Variants in STK10 observed in about 807,000 individuals in gnomAD.
STK10 encodes serine/threonine-protein kinase 10.
A neutral mutation model predicts 113.8 loss-of-function variants in STK10; 78 were observed. That is an observed-to-expected ratio of 0.69 (90% CI 0.57 to 0.83). The LOEUF (loss-of-function observed/expected upper bound fraction) is 0.83, where lower values mean the gene tolerates loss of function less well. Among genes scored for constraint, STK10 ranks in the 40% least tolerant of loss-of-function variants. STK10 has a pLI of 0.00. For synonymous variants in STK10, 465 were observed against 494.7 expected (o/e 0.94, Z 0.80); for missense variants, 1,109 against 1,280.1 (o/e 0.87, Z 2.04).
chr5:172,183,020 A>G (rs1770891365), intron 1 of STK10, among the ~76,000 whole-genome samples: 1 of 152,108 alleles, frequency 6.6e-6, no homozygotes, highest in Non-Finnish European at 1.5e-5. Flanking sequence ...CAACCTGGAC[A>G]ATATAGTGAG....
intron 4 of STK10, 24 bp downstream of exon 4, chr5:172,117,457 C>T (rs755960575): frequency 1.9e-6 from 3 of 1,607,864 alleles, no homozygotes; most frequent in Non-Finnish European, 2.5e-6. Flanking sequence ...TGTGGCTCCA[C>T]CTTTCCCACC....
intron 10 of STK10, among the ~76,000 whole-genome samples, chr5:172,086,338 G>C (rs900224401): frequency 5.3e-5 from 8 of 152,116 alleles, no homozygotes; most frequent in Admixed American, 2.6e-4. Flanking sequence ...GAAGAGAGGA[G>C]GCAGGTTTTG....
chr5:172,064,875 T>C, intron 12 of STK10, 63 bp from the exon 13 acceptor site: 6 of 1,570,642 alleles, frequency 3.8e-6, no homozygotes, highest in Non-Finnish European at 5.2e-6. Context: ...TACAGTATAA[T>C]CTTCAACGCA....
At chr5:172,125,463 C>A (rs980059100) in intron 3 of STK10, among the ~76,000 whole-genome samples, 81 of 152,002 alleles carry the variant, frequency 5.3e-4, no homozygotes, top group Non-Finnish European at 5.9e-4. Context: ...TGGCTCACTG[C>A]AACCTCTACC....
At position 172,042,193 on chromosome 5, in the gene STK10, T is replaced by C. The variant is rs548761137; in HGVS notation, c.*2689A>G. On this transcript the variant is annotated 3_prime_UTR_variant, in exon 19 of 19. Transcript: ENST00000176763. ...AACTACATAAAAATAATTTCTATCT[T>C]TCATAAAGGGAAAATAAAAGTTAGT... The C allele has an allele frequency of 6.5e-6, 1 of 152,728 alleles. No homozygotes were observed. Among genetic ancestry groups the C allele is most frequent in the South Asian group, 2.1e-4 (1 of 4,822 alleles). The allele number at this position is 152,728 out of a possible 1,614,324, so 9.5% of individuals were successfully genotyped here.
intron 2 of STK10, among the ~76,000 whole-genome samples, chr5:172,129,058 T>C (rs553068167): frequency 1.8e-4 from 28 of 152,314 alleles, no homozygotes; most frequent in African/African-American, 6.5e-4. Flanking sequence ...TAGTGTGGCC[T>C]TGGACAGGTC....
chr5:172,166,020 C>T (rs1457577612), intron 1 of STK10, among the ~76,000 whole-genome samples: 1 of 152,128 alleles, frequency 6.6e-6, no homozygotes, highest in African/African-American at 2.4e-5. Context: ...CTCGAACTCC[C>T]GACCTCAAGT....
intron 17 of STK10, among the ~76,000 whole-genome samples, chr5:172,053,978 G>A (rs10035430): frequency 6.6e-6 from 1 of 151,828 alleles, no homozygotes; most frequent in Admixed American, 6.6e-5. Context: ...CAGCAGAGCC[G>A]TGCCGGGCAG....
At chr5:172,141,468 C>G (rs896679897) in intron 2 of STK10, among the ~76,000 whole-genome samples, 4 of 151,722 alleles carry the variant, frequency 2.6e-5, no homozygotes, top group African/African-American at 7.3e-5. Flanking sequence ...GTGGTCCCAG[C>G]TACTCAGGAG....
At chr5:172,153,318 A>AGAGAGAGAGAGAG (rs1561828316) in intron 2 of STK10, among the ~76,000 whole-genome samples, 1 of 119,770 alleles carries the variant, frequency 8.3e-6, no homozygotes, top group African/African-American at 3.8e-5. Context: ...GAAAGAAAGA[A>AGAGAGAGAGAGAG]AGAAAGAAAT....
intron 8 of STK10, among the ~76,000 whole-genome samples, chr5:172,095,839 C>T (rs1229219668): frequency 6.6e-6 from 1 of 152,240 alleles, no homozygotes; most frequent in Non-Finnish European, 1.5e-5. Context: ...CCAAGTAAGG[C>T]CAGGGATTAC....
intron 12 of STK10, among the ~76,000 whole-genome samples, chr5:172,080,977 C>T (rs1053466756): frequency 2.0e-5 from 3 of 152,180 alleles, no homozygotes; most frequent in African/African-American, 7.2e-5. Flanking sequence ...CAGGCTGACT[C>T]TCTTGTTAGG....
chr5:172,160,025 A>T (rs1770437761), intron 1 of STK10, among the ~76,000 whole-genome samples: 1 of 151,898 alleles, frequency 6.6e-6, no homozygotes, highest in Non-Finnish European at 1.5e-5. Flanking sequence ...AATCCCAGCT[A>T]CTTAGGAAGC....
intron 2 of STK10, among the ~76,000 whole-genome samples, chr5:172,145,466 G>A (rs1224823356): frequency 2.6e-5 from 4 of 152,228 alleles, no homozygotes; most frequent in Admixed American, 6.5e-5. Flanking sequence ...AGTGTGGGGC[G>A]GTGGCCACTG....
At chr5:172,131,475 C>T (rs914724213) in intron 2 of STK10, among the ~76,000 whole-genome samples, 5 of 152,194 alleles carry the variant, frequency 3.3e-5, no homozygotes, top group African/African-American at 9.7e-5. Context: ...CAGGAAAGCT[C>T]GTGCATTCTG....
chr5:172,136,825 A>G (rs1769873073), intron 2 of STK10, among the ~76,000 whole-genome samples: 1 of 134,552 alleles, frequency 7.4e-6, no homozygotes, highest in Admixed American at 7.1e-5. Context: ...CTTTATTATT[A>G]TCTATTTTTT....
intron 13 of STK10, among the ~76,000 whole-genome samples, chr5:172,062,795 A>C (rs59216249): frequency 1.3e-5 from 2 of 152,286 alleles, no homozygotes; most frequent in Non-Finnish European, 1.5e-5. Flanking sequence ...TTTACAAGAC[A>C]AGAGAGTTCT....
rs539327919 is a variant in STK10 at position 172,097,690 on chromosome 5, TG to T, written c.871-1131del. Among the ~76,000 whole-genome samples, 581 of 152,328 alleles carry T rather than the reference TG, an allele frequency of 3.8e-3. 7 individuals are homozygous for T. Among genetic ancestry groups the T allele is most frequent in the African/African-American group, 0.013 (552 of 41,580 alleles). On this transcript the variant is annotated intron_variant, in intron 7 of 18. Coordinates refer to ENST00000176763, the MANE Select transcript of STK10 (RefSeq NM_005990.4). ...GGACATCTGGGCTGTTTCCCATTTT[TG>T]GCAACTATGAATAAAGCTGCAAGAG... is the stretch of plus-strand genomic sequence containing the variant.
chr5:172,110,099 G>A (rs1463261273), intron 4 of STK10, among the ~76,000 whole-genome samples: 1 of 152,234 alleles, frequency 6.6e-6, no homozygotes, highest in African/African-American at 2.4e-5. Flanking sequence ...CATCAGGAGC[G>A]AGACACTAGC....
Sources: allele counts gnomAD v4.1 joint callset (sites outside exome capture counted in the v4.1 genomes callset), GRCh38; gene constraint gnomAD v4.1.1; transcripts MANE v1.5; gene names NCBI Gene and HGNC (gene_info 2026-07-23, HGNC 2026-07-21).